The following PTPRD variants were observed in gnomAD, a reference collection of about 807,000 sequenced individuals.
The protein encoded by PTPRD is receptor-type tyrosine-protein phosphatase delta.
Under a neutral mutation model 214.5 loss-of-function variants are expected in PTPRD, and 34 were observed. That is an observed-to-expected ratio of 0.16 (90% CI 0.12 to 0.21). The LOEUF is 0.21. Ranked by LOEUF, PTPRD falls within the 10% of genes least tolerant of loss-of-function variation. The probability of loss-of-function intolerance (pLI) is 1.00; values close to 1 mark genes in which losing one functional copy is unlikely to be tolerated. For missense variants in PTPRD, 2,545 were observed against 2,398.7 expected, an observed-to-expected ratio of 1.06 and a Z score of -1.27; for synonymous variants, 1,128 against 845.7, an observed-to-expected ratio of 1.33 and a Z score of -5.79.
chr9:10,513,869 GA>G (rs2049111093), intron 2 of PTPRD, among the ~76,000 whole-genome samples: 1 of 152,088 alleles, frequency 6.6e-6, no homozygotes, highest in Non-Finnish European at 1.5e-5. Flanking sequence ...CCTCCTGACT[GA>G]AAAATGAGCA....
intron 3 of PTPRD, among the ~76,000 whole-genome samples, chr9:10,258,177 T>G (rs964088139): frequency 2.0e-5 from 3 of 152,152 alleles, no homozygotes; most frequent in Admixed American, 6.5e-5. Flanking sequence ...CTAGTTGTAG[T>G]TGGGTTAAGA....
At chr9:10,547,717 G>A (rs1332452283) in intron 2 of PTPRD, among the ~76,000 whole-genome samples, 1 of 151,484 alleles carries the variant, frequency 6.6e-6, no homozygotes, top group Non-Finnish European at 1.5e-5. Context: ...ATATATATAA[G>A]TGTACATATA....
intron 7 of PTPRD, among the ~76,000 whole-genome samples, chr9:9,689,407 C>A (rs1000291357): frequency 4.0e-5 from 6 of 151,694 alleles, no homozygotes; most frequent in Admixed American, 3.3e-4. Flanking sequence ...GCACATGTTT[C>A]AGGGTTTATG....
intron 9 of PTPRD, among the ~76,000 whole-genome samples, chr9:9,358,846 A>G (rs1414783779): frequency 6.6e-6 from 1 of 151,316 alleles, no homozygotes; most frequent in Admixed American, 6.6e-5. Context: ...TTGTATAGGA[A>G]ACTCAAGGCG....
chr9:8,744,153 T>C (rs886962871), intron 11 of PTPRD, among the ~76,000 whole-genome samples: 2 of 152,248 alleles, frequency 1.3e-5, no homozygotes, highest in African/African-American at 4.8e-5. Flanking sequence ...AAAAAATAGA[T>C]GTTGGTGTAG....
chr9:10,574,964 G>C (rs896262365), intron 2 of PTPRD, among the ~76,000 whole-genome samples: 1 of 151,634 alleles, frequency 6.6e-6, no homozygotes, highest in African/African-American at 2.4e-5. Flanking sequence ...AGGAACTACA[G>C]AAAAGTGCAA....
At chr9:10,261,039 G>A (rs192085366) in intron 3 of PTPRD, among the ~76,000 whole-genome samples, 9 of 143,238 alleles carry the variant, frequency 6.3e-5, no homozygotes, top group African/African-American at 2.3e-4. Context: ...TTATATATGT[G>A]TATATATATT....
At chr9:9,123,103 CA>C (rs1242818993) in intron 10 of PTPRD, among the ~76,000 whole-genome samples, 8 of 152,260 alleles carry the variant, frequency 5.3e-5, no homozygotes, top group Admixed American at 3.9e-4. Flanking sequence ...TCTGTTTGTG[CA>C]GCAGAATCCT....
intron 8 of PTPRD, among the ~76,000 whole-genome samples, chr9:9,418,946 A>G (rs2077796695): frequency 6.6e-6 from 1 of 151,932 alleles, no homozygotes; most frequent in South Asian, 2.1e-4. Flanking sequence ...TAATAAGCAG[A>G]AAGAGTGTAG....
At chr9:9,791,146 G>C (rs16930326) in intron 5 of PTPRD, among the ~76,000 whole-genome samples, 2,999 of 151,848 alleles carry the variant, frequency 0.02, 115 homozygotes, top group African/African-American at 0.069. Flanking sequence ...CTGTCTTTTT[G>C]TTATGCTGCA....
intron 3 of PTPRD, among the ~76,000 whole-genome samples, chr9:10,057,167 G>A (rs1168377451): frequency 3.3e-5 from 5 of 152,108 alleles, no homozygotes; most frequent in African/African-American, 9.7e-5. Flanking sequence ...CTGTGGCTGT[G>A]AATCATAAAG....
chr9:8,815,977 G>A (rs756155038), intron 11 of PTPRD, among the ~76,000 whole-genome samples: 1 of 152,124 alleles, frequency 6.6e-6, no homozygotes, highest in African/African-American at 2.4e-5. Context: ...CACAATTGCT[G>A]TGCTAACAGA....
chr9:10,562,149 T>C (rs1295270456), intron 2 of PTPRD, among the ~76,000 whole-genome samples: 1 of 152,130 alleles, frequency 6.6e-6, no homozygotes, highest in Non-Finnish European at 1.5e-5. Flanking sequence ...ATGTGAGACA[T>C]CCATATCCAA....
At chr9:10,348,142 C>A (rs1239849704) in intron 2 of PTPRD, among the ~76,000 whole-genome samples, 2 of 152,108 alleles carry the variant, frequency 1.3e-5, no homozygotes, top group Non-Finnish European at 2.9e-5. Flanking sequence ...TATGTCAAAC[C>A]TTATATTTGT....
chr9:8,600,731 C>A (rs918078494), intron 14 of PTPRD, among the ~76,000 whole-genome samples: 3 of 151,742 alleles, frequency 2.0e-5, no homozygotes, highest in African/African-American at 4.9e-5. Context: ...GACTAAAGAG[C>A]CCTTAGTCCC....
chr9:8,648,804 C>A (rs1263314659), intron 12 of PTPRD, among the ~76,000 whole-genome samples: 2 of 152,162 alleles, frequency 1.3e-5, no homozygotes, highest in Non-Finnish European at 2.9e-5. Flanking sequence ...TATAGACACA[C>A]TATTTGACCA....
At chr9:9,554,935 C>T (rs755455282) in intron 8 of PTPRD, among the ~76,000 whole-genome samples, 2 of 152,084 alleles carry the variant, frequency 1.3e-5, no homozygotes, top group East Asian at 3.9e-4. Context: ...CTTGCTTATA[C>T]GTCTACATAT....
At chr9:8,919,391 C>A (rs997336737) in intron 11 of PTPRD, among the ~76,000 whole-genome samples, 389 of 133,842 alleles carry the variant, frequency 2.9e-3, no homozygotes, top group Middle Eastern at 0.012. Flanking sequence ...GACCCTGTCT[C>A]AAAAAAAAAA....
At chr9:10,330,801 G>A (rs1019249169) in intron 3 of PTPRD, among the ~76,000 whole-genome samples, 1 of 151,776 alleles carries the variant, frequency 6.6e-6, no homozygotes, top group South Asian at 2.1e-4. Flanking sequence ...GCAGCAAAAA[G>A]CCATGTAACC....
Sources: allele counts gnomAD v4.1 joint callset (sites outside exome capture counted in the v4.1 genomes callset), GRCh38; gene constraint gnomAD v4.1.1; transcripts MANE v1.5; gene names NCBI Gene and HGNC (gene_info 2026-07-23, HGNC 2026-07-21).